The following SUSD4 variants were observed in gnomAD, a reference collection of about 807,000 sequenced individuals.
SUSD4 encodes sushi domain-containing protein 4.
Under a neutral mutation model 50.5 loss-of-function variants are expected in SUSD4, and 41 were observed. The observed-to-expected ratio is 0.81, with a 90% CI of 0.63 to 1.05. The LOEUF (loss-of-function observed/expected upper bound fraction) is 1.05. Among genes scored for constraint, SUSD4 ranks in the 50% least tolerant of loss-of-function variants. SUSD4 has a pLI of 0.00. For missense variants in SUSD4, 580 were observed against 634.7 expected (o/e 0.91, Z 0.93); for synonymous variants, 257 against 257.3 (o/e 1.00, Z 0.01).
At position 223,258,750 on chromosome 1, in the gene SUSD4, GT is replaced by G. The variant is rs561597820; in HGVS notation, c.724+5879del. Among the ~76,000 whole-genome samples the G allele has an allele frequency of 2.5e-3, 388 of 152,220 alleles. 2 individuals are homozygous for G. The highest frequency in any genetic ancestry group is 8.9e-3 in the African/African-American group (369 of 41,514). ...AGATCCTACAGTGATGTATTCCCCT[GT>G]TTCGGAAAAGCAAACAAATGAGCAG... On this transcript the variant is annotated intron_variant, in intron 5 of 8. Coordinates refer to ENST00000366878, the MANE Select transcript of SUSD4 (RefSeq NM_017982.4).
At chr1:223,264,519 T>G in intron 5 of SUSD4, 111 bp downstream of exon 5, 1 of 1,497,860 alleles carries the variant, frequency 6.7e-7, no homozygotes, top group Non-Finnish European at 8.9e-7. Flanking sequence ...AAAGATGTAT[T>G]CAGAGAAGAA....
rs779164862 is a variant in SUSD4 at position 223,268,629 on chromosome 1, T to C, written c.408A>G (p.Thr136=). 3 of 1,613,998 alleles carry C rather than the reference T, an allele frequency of 1.9e-6. No individual in the cohort carries two copies. Among genetic ancestry groups the C allele is most frequent in the Admixed American group, 3.3e-5 (2 of 59,976 alleles). ...QIEDAEIHNK[T]YRHGEKLIIT... ...TGATTAGCTTCTCTCCATGTCTATA[T>C]GTCTTGTTATGAATCTCAGCATCTT... The change falls in exon 4 of 9, where the codon ACA becomes ACG. Residue 136 remains threonine (T), a synonymous_variant. Coordinates refer to ENST00000366878, the MANE Select transcript of SUSD4 (RefSeq NM_017982.4).
chr1:223,326,244 C>G (rs970704749), intron 2 of SUSD4, among the ~76,000 whole-genome samples: 2 of 152,004 alleles, frequency 1.3e-5, no homozygotes, highest in Non-Finnish European at 2.9e-5. Flanking sequence ...AAAACATAAA[C>G]TGGGGAATGG....
At chr1:223,241,064 G>C (rs1352677903) in intron 5 of SUSD4, among the ~76,000 whole-genome samples, 1 of 152,186 alleles carries the variant, frequency 6.6e-6, no homozygotes, top group African/African-American at 2.4e-5. Flanking sequence ...AGGTGGTACA[G>C]GATGGCTAGA....
intron 2 of SUSD4, among the ~76,000 whole-genome samples, chr1:223,298,951 C>T (rs571001126): frequency 1.5e-4 from 23 of 152,218 alleles, no homozygotes; most frequent in Admixed American, 1.0e-3. Context: ...GGGCTCCAGC[C>T]GTCGGCACAG....
intron 2 of SUSD4, among the ~76,000 whole-genome samples, chr1:223,316,576 A>G (rs1666202280): frequency 6.6e-6 from 1 of 152,116 alleles, no homozygotes; most frequent in African/African-American, 2.4e-5. Flanking sequence ...TTCTCTGAAG[A>G]TGAGTCTGTC....
intron 3 of SUSD4, among the ~76,000 whole-genome samples, chr1:223,290,480 A>T (rs1664418557): frequency 6.6e-6 from 1 of 152,228 alleles, no homozygotes; most frequent in South Asian, 2.1e-4. Context: ...TAGAAAGGTA[A>T]TATCTGCTCT....
chr1:223,290,706 C>T (rs1473171788), intron 3 of SUSD4, among the ~76,000 whole-genome samples: 1 of 151,936 alleles, frequency 6.6e-6, no homozygotes, highest in African/African-American at 2.4e-5. Flanking sequence ...AAAAGAATGA[C>T]ACATGCAGAC....
rs2352898 is a variant in SUSD4 at position 223,359,582 on chromosome 1, G to A, written c.148+3696C>T. On this transcript the variant is annotated intron_variant, in intron 2 of 8. Coordinates refer to ENST00000366878, the MANE Select transcript of SUSD4 (RefSeq NM_017982.4). The stretch of plus-strand genomic sequence containing the variant: ...CAATTATTTTCTAAATGGTGTGGCA[G>A]TAATTTGGGAATCTTTTTTCTTGCT... Among the ~76,000 whole-genome samples the A allele has an allele frequency of 1.7e-3, 260 of 152,314 alleles. 3 individuals are homozygous for A. The highest frequency in any genetic ancestry group is 0.015 in the Admixed American group (231 of 15,300).
At chr1:223,322,886 T>A (rs1182124767) in intron 2 of SUSD4, among the ~76,000 whole-genome samples, 1 of 152,212 alleles carries the variant, frequency 6.6e-6, no homozygotes, top group Non-Finnish European at 1.5e-5. Flanking sequence ...CATTCCCTTA[T>A]AATCATGCTC....
At chr1:223,293,538 G>A (rs1008133276) in intron 2 of SUSD4, among the ~76,000 whole-genome samples, 2 of 152,190 alleles carry the variant, frequency 1.3e-5, no homozygotes, top group Non-Finnish European at 2.9e-5. Context: ...CAGCTTGAGA[G>A]ACTGACTGAA....
chr1:223,361,831 T>C (rs2102606386), intron 2 of SUSD4, among the ~76,000 whole-genome samples: 1 of 152,280 alleles, frequency 6.6e-6, no homozygotes, highest in African/African-American at 2.4e-5. Context: ...ATGATCCAGA[T>C]CCACGCAATA....
At position 223,264,540 on chromosome 1, in the gene SUSD4, C is replaced by T. The variant is rs564997434; in HGVS notation, c.724+90G>A. On this transcript the variant is annotated intron_variant, in intron 5 of 8. Transcript: ENST00000366878. ...GTATTCAGAGAAGAAAAGTTATTGCCCATCATAATTCACAGCTCTTCCTCC... is the reference window on the plus strand; with the variant it reads ...GTATTCAGAGAAGAAAAGTTATTGCTCATCATAATTCACAGCTCTTCCTCC... 8 of 1,542,476 alleles carry T rather than the reference C, an allele frequency of 5.2e-6. No individual in the cohort carries two copies. In the African/African-American group the frequency reaches 9.6e-5, roughly 19 times the overall value.
intron 2 of SUSD4, among the ~76,000 whole-genome samples, chr1:223,347,616 G>A (rs549621606): frequency 6.6e-6 from 1 of 151,970 alleles, no homozygotes; most frequent in South Asian, 2.1e-4. Flanking sequence ...GACATAGAGT[G>A]CCTTAATTAT....
chr1:223,356,467 C>T lies in SUSD4; in HGVS notation c.148+6811G>A, dbSNP rs1176637183. ...GCTCTGTTGCCCAGACTGGAGTGCA[C>T]TGGCATGATCATAGCTCGCTGCAGC... On this transcript the variant is annotated intron_variant, in intron 2 of 8. Transcript: ENST00000366878. 4.0e-5 allele frequency among the ~76,000 whole-genome samples: 6 copies of T among 151,522 alleles called. No homozygotes were observed. The East Asian group carries it at 9.7e-4, about 25-fold the overall frequency.
intron 5 of SUSD4, among the ~76,000 whole-genome samples, chr1:223,259,899 G>T (rs764158620): frequency 6.6e-6 from 1 of 152,144 alleles, no homozygotes; most frequent in Non-Finnish European, 1.5e-5. Context: ...GGCAGGCTGC[G>T]TCTATACCGA....
intron 3 of SUSD4, among the ~76,000 whole-genome samples, chr1:223,275,786 G>A (rs992688143): frequency 2.2e-4 from 34 of 152,108 alleles, no homozygotes; most frequent in African/African-American, 7.0e-4. Context: ...GTCAGTCTGC[G>A]TGACTGAATA....
At position 223,233,669 on chromosome 1, in the gene SUSD4, G is replaced by A. The variant is rs573994974; in HGVS notation, c.725-4281C>T. On this transcript the variant is annotated intron_variant, in intron 5 of 8. Coordinates refer to ENST00000366878, the MANE Select transcript of SUSD4 (RefSeq NM_017982.4). The stretch of plus-strand genomic sequence containing the variant: ...TAACCTGTGTGTTCCTAGAAATTCC[G>A]GTGAGTAAAAGTGGACCGGGCTATG... 6.6e-5 allele frequency among the ~76,000 whole-genome samples: 10 copies of A among 152,258 alleles called. No individual in the cohort carries two copies. In the South Asian group the frequency reaches 1.2e-3, roughly 19 times the overall value.
At position 223,264,625 on chromosome 1, in the gene SUSD4, G is replaced by C; in HGVS notation, c.724+5C>G. Reference sequence around the variant, plus strand: ...TACAACTTCCGAAAGAATGAGATGTGTTACCTTCCAGAGCAAGGCACCGGG... The same window carrying C: ...TACAACTTCCGAAAGAATGAGATGTCTTACCTTCCAGAGCAAGGCACCGGG... On this transcript the variant is annotated splice_donor_5th_base_variant and intron_variant, in intron 5 of 8. Transcript: ENST00000366878. 1 of 1,613,766 alleles carries C rather than the reference G, an allele frequency of 6.2e-7. No homozygotes were observed. Among genetic ancestry groups the C allele is most frequent in the Non-Finnish European group, 8.5e-7 (1 of 1,179,756 alleles).
Sources: gnomAD v4.1 joint callset for allele counts (sites outside exome capture counted in the v4.1 genomes callset) on GRCh38, gnomAD v4.1.1 for gene constraint, MANE v1.5 for transcripts, NCBI Gene and HGNC (gene_info 2026-07-23, HGNC 2026-07-21) for gene names.